Variants in PTPRD observed in about 807,000 individuals in gnomAD.
The protein encoded by PTPRD is receptor-type tyrosine-protein phosphatase delta.
A neutral mutation model predicts 214.5 loss-of-function variants in PTPRD; 34 were observed. That is an observed-to-expected ratio of 0.16 (90% confidence interval 0.12 to 0.21). The LOEUF is 0.21. Among genes scored for constraint, PTPRD ranks in the 10% least tolerant of loss-of-function variants. The pLI, the probability that PTPRD is intolerant of heterozygous loss-of-function variation, is 1.00. For missense variants in PTPRD, 2,545 were observed against 2,398.7 expected, an observed-to-expected ratio of 1.06 and a Z score of -1.27; for synonymous variants, 1,128 against 845.7, an observed-to-expected ratio of 1.33 and a Z score of -5.79.
At chr9:8,481,229 G>C (rs4742509) in intron 30 of PTPRD, among the ~76,000 whole-genome samples, 2 of 148,238 alleles carry the variant, frequency 1.3e-5, no homozygotes, top group African/African-American at 5.0e-5. Context: ...TAATGTTTTA[G>C]AAATTCTTTT....
chr9:10,011,484 A>T (rs1472306997), intron 4 of PTPRD, among the ~76,000 whole-genome samples: 1 of 151,986 alleles, frequency 6.6e-6, no homozygotes, highest in African/African-American at 2.4e-5. Flanking sequence ...TAAGTATCTT[A>T]AATTAGTTTT....
rs770261200 is a variant in PTPRD at position 8,331,239 on chromosome 9, T to G, written c.5534+343A>C. Reference sequence around the variant, plus strand: ...CAAACAGAAGAAAGACAGTTATCAGTGCATTGCTATGAAAGCAAAAGCAAA... The same window carrying G: ...CAAACAGAAGAAAGACAGTTATCAGGGCATTGCTATGAAAGCAAAAGCAAA... On this transcript the variant is annotated intron_variant, in intron 44 of 45. Transcript: ENST00000381196. 2.0e-5 allele frequency among the ~76,000 whole-genome samples: 3 copies of G among 152,166 alleles called. No homozygotes were observed. In the South Asian group the frequency reaches 6.2e-4, roughly 32 times the overall value.
chr9:8,373,375 T>C (rs1354661799), intron 39 of PTPRD, among the ~76,000 whole-genome samples: 1 of 151,992 alleles, frequency 6.6e-6, no homozygotes, highest in Non-Finnish European at 1.5e-5. Flanking sequence ...TTCACAGAGC[T>C]CAGTTTATGC....
intron 4 of PTPRD, among the ~76,000 whole-genome samples, chr9:9,955,862 A>G (rs1020838126): frequency 2.6e-5 from 4 of 152,282 alleles, no homozygotes; most frequent in African/African-American, 9.6e-5. Context: ...GCTTTCAAAT[A>G]ACAAAGATTT....
chr9:10,261,455 G>C (rs897472974), intron 3 of PTPRD, among the ~76,000 whole-genome samples: 2 of 151,926 alleles, frequency 1.3e-5, no homozygotes, highest in African/African-American at 4.8e-5. Context: ...GACAAAGAAA[G>C]ATACATTATA....
intron 4 of PTPRD, among the ~76,000 whole-genome samples, chr9:10,014,020 G>A (rs183522936): frequency 6.6e-6 from 1 of 151,938 alleles, no homozygotes; most frequent in Non-Finnish European, 1.5e-5. Context: ...TTATCTCCAA[G>A]GTTATTAGAG....
chr9:9,979,720 A>C (rs1170472298), intron 4 of PTPRD, among the ~76,000 whole-genome samples: 4 of 152,304 alleles, frequency 2.6e-5, no homozygotes, highest in Admixed American at 2.6e-4. Context: ...ATTCTGACTA[A>C]AGATTGCAAC....
intron 12 of PTPRD, among the ~76,000 whole-genome samples, chr9:8,678,212 C>G (rs959026977): frequency 2.6e-5 from 4 of 152,120 alleles, no homozygotes; most frequent in Admixed American, 1.3e-4. Context: ...AAATCCAATT[C>G]AGACATCATT....
intron 30 of PTPRD, among the ~76,000 whole-genome samples, chr9:8,471,400 C>T (rs935476870): frequency 6.6e-6 from 1 of 152,072 alleles, no homozygotes; most frequent in Admixed American, 6.6e-5. Context: ...GGCTAGAATA[C>T]TGCAATCTAC....
At chr9:10,089,750 A>C (rs1228491311) in intron 3 of PTPRD, among the ~76,000 whole-genome samples, 1 of 151,618 alleles carries the variant, frequency 6.6e-6, no homozygotes, top group Non-Finnish European at 1.5e-5. Context: ...TTCAGATTGT[A>C]CTCTGGCCAA....
intron 3 of PTPRD, among the ~76,000 whole-genome samples, chr9:10,202,634 C>A (rs1186910764): frequency 7.1e-6 from 1 of 140,952 alleles, no homozygotes; most frequent in African/African-American, 2.7e-5. Flanking sequence ...GCTTCAAATG[C>A]CATAGCACCT....
At chr9:10,230,850 G>A (rs2099606936) in intron 3 of PTPRD, among the ~76,000 whole-genome samples, 1 of 152,006 alleles carries the variant, frequency 6.6e-6, no homozygotes, top group Non-Finnish European at 1.5e-5. Flanking sequence ...GGTTGTGGAA[G>A]GAGCACTGTC....
At chr9:8,806,537 T>C (rs1478690110) in intron 11 of PTPRD, among the ~76,000 whole-genome samples, 5 of 152,114 alleles carry the variant, frequency 3.3e-5, no homozygotes, top group Non-Finnish European at 7.3e-5. Flanking sequence ...CTTCTATGAG[T>C]CATGTAGCTT....
chr9:9,886,574 G>A (rs372671036), intron 5 of PTPRD, among the ~76,000 whole-genome samples: 1 of 152,104 alleles, frequency 6.6e-6, no homozygotes, highest in African/African-American at 2.4e-5. Flanking sequence ...TTCTATCTCA[G>A]AAGAAATTCT....
intron 7 of PTPRD, among the ~76,000 whole-genome samples, chr9:9,658,198 A>G (rs903531596): frequency 1.5e-4 from 23 of 152,170 alleles, no homozygotes; most frequent in African/African-American, 5.6e-4. Context: ...AGTCAGATGT[A>G]CCAGGAAACT....
intron 9 of PTPRD, among the ~76,000 whole-genome samples, chr9:9,359,171 A>G (rs758892309): frequency 1.3e-5 from 2 of 151,278 alleles, no homozygotes; most frequent in African/African-American, 4.8e-5. Flanking sequence ...TCAACATTAT[A>G]TCCTTCAGTT....
Position 9,618,071 on chromosome 9 carries a change from C to CAAAAAAAAAAAAAAAAAAAAAAAAAAA in PTPRD, c.-286-43317_-286-43291dup, listed in dbSNP as rs34125624. On this transcript the variant is annotated intron_variant, in intron 7 of 45. Transcript: ENST00000381196. ...TGGGCGACAGAGCGAGACTCCATCT[C>CAAAAAAAAAAAAAAAAAAAAAAAAAAA]AAAAAAAAAAAAAAAAAAAAAAAAA... Among the ~76,000 whole-genome samples the CAAAAAAAAAAAAAAAAAAAAAAAAAAA allele has an allele frequency of 7.4e-4, 17 of 23,030 alleles. 3 individuals carry two copies. The highest frequency in any genetic ancestry group is 1.0e-3 in the Non-Finnish European group (13 of 12,790). 15.1% of individuals were successfully genotyped at this position (23,030 alleles called of 152,430 possible). A position where few individuals can be genotyped will look rare whatever the true frequency, so the allele number is the denominator to read the frequency against.
At chr9:8,629,345 CATCT>C (rs2096168560) in intron 14 of PTPRD, among the ~76,000 whole-genome samples, 2 of 151,822 alleles carry the variant, frequency 1.3e-5, no homozygotes, top group African/African-American at 2.4e-5. Flanking sequence ...TGATTGATAA[CATCT>C]ATCAGAGAGA....
intron 23 of PTPRD, among the ~76,000 whole-genome samples, chr9:8,501,352 C>T (rs189601858): frequency 4.6e-5 from 7 of 152,156 alleles, no homozygotes; most frequent in African/African-American, 9.6e-5. Flanking sequence ...TACCTACCTG[C>T]GATAAAAATT....
Sources: gnomAD v4.1 joint callset for allele counts (sites outside exome capture counted in the v4.1 genomes callset) on GRCh38, gnomAD v4.1.1 for gene constraint, MANE v1.5 for transcripts, NCBI Gene and HGNC (gene_info 2026-07-23, HGNC 2026-07-21) for gene names.